The following SPEF2 variants were observed in gnomAD, a reference collection of about 807,000 sequenced individuals.
The protein encoded by SPEF2 is sperm flagellar and cilia associated 2.
In SPEF2, 187 loss-of-function variants were observed where a neutral mutation model predicts 224.6. The observed-to-expected ratio is 0.83, with a 90% CI of 0.74 to 0.94. The LOEUF (loss-of-function observed/expected upper bound fraction) is 0.94. Among genes scored for constraint, SPEF2 ranks in the 40% least tolerant of loss-of-function variants. SPEF2 has a pLI of 0.00. For missense variants in SPEF2, 2,170 were observed against 2,135.6 expected, an observed-to-expected ratio of 1.02 and a Z score of -0.32; for synonymous variants, 715 against 707.3, an observed-to-expected ratio of 1.01 and a Z score of -0.17.
At chr5:35,696,244 C>T (rs1486882723) in intron 14 of SPEF2, among the ~76,000 whole-genome samples, 1 of 152,142 alleles carries the variant, frequency 6.6e-6, no homozygotes, top group Non-Finnish European at 1.5e-5. Flanking sequence ...ACTAATTGGT[C>T]ATCAAATAAA....
At chr5:35,664,798 G>A (rs1750238967) in intron 8 of SPEF2, among the ~76,000 whole-genome samples, 2 of 140,136 alleles carry the variant, frequency 1.4e-5, no homozygotes, top group African/African-American at 5.4e-5. Flanking sequence ...GAGGGAGAGA[G>A]AGGGAGAGGA....
chr5:35,711,281 G>C (rs1016369236), intron 19 of SPEF2, among the ~76,000 whole-genome samples: 9 of 151,734 alleles, frequency 5.9e-5, no homozygotes, highest in African/African-American at 2.2e-4. Flanking sequence ...TTGTTATTTT[G>C]TTAAAAAATT....
intron 7 of SPEF2, among the ~76,000 whole-genome samples, chr5:35,655,666 G>T (rs775602639): frequency 2.0e-5 from 3 of 152,232 alleles, no homozygotes; most frequent in Non-Finnish European, 4.4e-5. Flanking sequence ...TCCAGGAAAG[G>T]TGGTGGAAGG....
intron 24 of SPEF2, among the ~76,000 whole-genome samples, chr5:35,755,313 A>G (rs1196999806): frequency 2.0e-5 from 3 of 152,256 alleles, no homozygotes; most frequent in Non-Finnish European, 4.4e-5. Flanking sequence ...AAAATCAAGT[A>G]TTATAAACAG....
At chr5:35,747,239 A>G (rs532682043) in intron 23 of SPEF2, among the ~76,000 whole-genome samples, 2 of 152,332 alleles carry the variant, frequency 1.3e-5, no homozygotes, top group South Asian at 2.1e-4. Context: ...CACAGGACCT[A>G]TTAAACAAAA....
intron 2 of SPEF2, among the ~76,000 whole-genome samples, chr5:35,640,242 C>A (rs1185922302): frequency 6.6e-6 from 1 of 152,082 alleles, no homozygotes; most frequent in Non-Finnish European, 1.5e-5. Context: ...AATTAACATG[C>A]CCCTAAAATC....
chr5:35,798,175 C>T (rs1756940764), intron 33 of SPEF2, among the ~76,000 whole-genome samples: 1 of 152,172 alleles, frequency 6.6e-6, no homozygotes, highest in Non-Finnish European at 1.5e-5. Flanking sequence ...TTTGTCTTCA[C>T]CCAGCTTGCA....
intron 25 of SPEF2, among the ~76,000 whole-genome samples, chr5:35,761,720 T>C (rs1483644292): frequency 6.6e-6 from 1 of 152,110 alleles, no homozygotes. Flanking sequence ...TATAAACCAC[T>C]AGAACCATCA....
intron 6 of SPEF2, among the ~76,000 whole-genome samples, chr5:35,650,012 A>C (rs549005715): frequency 3.3e-4 from 50 of 152,342 alleles, no homozygotes; most frequent in Middle Eastern, 3.4e-3. Context: ...TGTAGGAACA[A>C]CTTGGGTTTT....
At chr5:35,760,588 CA>C (rs751115200) in intron 25 of SPEF2, among the ~76,000 whole-genome samples, 1 of 151,800 alleles carries the variant, frequency 6.6e-6, no homozygotes, top group East Asian at 1.9e-4. Context: ...TTTCTGCCAG[CA>C]AAAAAATAAA....
At position 35,706,950 on chromosome 5, in the gene SPEF2, C is replaced by T. The variant is rs151297140; in HGVS notation, c.2665+1142C>T. 2.6e-3 allele frequency among the ~76,000 whole-genome samples: 391 copies of T among 152,276 alleles called. 3 individuals are homozygous for T. The highest frequency in any genetic ancestry group is 3.3e-3 in the Non-Finnish European group (226 of 67,996). On this transcript the variant is annotated intron_variant, in intron 18 of 36. Transcript: ENST00000356031. ...TCTAACTCATGAAGGCTTGAAGCTA[C>T]GGGTTAGAATCAGTTTGTTTTTGCC...
intron 2 of SPEF2, among the ~76,000 whole-genome samples, chr5:35,636,967 C>T (rs1304080448): frequency 2.1e-5 from 3 of 144,688 alleles, no homozygotes; most frequent in African/African-American, 7.7e-5. Flanking sequence ...CAGAGTGAGA[C>T]TCTGTCTCAA....
At chr5:35,710,963 C>T in intron 19 of SPEF2, 1 of 826,020 alleles carries the variant, frequency 1.2e-6, no homozygotes, top group Non-Finnish European at 1.5e-6. Flanking sequence ...CCCAACCTTA[C>T]TGTGATGGAC....
intron 23 of SPEF2, among the ~76,000 whole-genome samples, chr5:35,753,153 A>G (rs1749923724): frequency 1.3e-5 from 2 of 152,012 alleles, no homozygotes; most frequent in Admixed American, 1.3e-4. Flanking sequence ...AGATCACCCC[A>G]TTAAACTCAG....
chr5:35,737,017 T>C lies in SPEF2; in HGVS notation c.3064-2902T>C, dbSNP rs113099861. ...CACCTCTTGGTAGCCATTGCTTTGATTGTGCTTTGTCTTCAGGATCATACT... is the reference window on the plus strand; with the variant it reads ...CACCTCTTGGTAGCCATTGCTTTGACTGTGCTTTGTCTTCAGGATCATACT... On this transcript the variant is annotated intron_variant, in intron 21 of 36. Transcript: ENST00000356031. Among the ~76,000 whole-genome samples, 305 of 152,336 alleles carry C rather than the reference T, an allele frequency of 2.0e-3. 2 individuals carry two copies. The highest frequency in any genetic ancestry group is 7.2e-3 in the African/African-American group (298 of 41,592).
At chr5:35,658,095 A>C (rs573138931) in intron 7 of SPEF2, among the ~76,000 whole-genome samples, 72 of 152,318 alleles carry the variant, frequency 4.7e-4, no homozygotes, top group African/African-American at 1.5e-3. Context: ...TCTGTTTCGA[A>C]AGAGTGAGAG....
chr5:35,751,062 T>TAC (rs1195136055), intron 23 of SPEF2, among the ~76,000 whole-genome samples: 8 of 28,132 alleles, frequency 2.8e-4, no homozygotes, highest in Admixed American at 4.6e-4. Context: ...TATACGTATA[T>TAC]ATATGTATAT....
chr5:35,785,494 A>T (rs904060490), intron 30 of SPEF2, among the ~76,000 whole-genome samples: 28 of 151,846 alleles, frequency 1.8e-4, no homozygotes, highest in African/African-American at 6.0e-4. Flanking sequence ...TGGAAATTAA[A>T]TTTTTTTAAT....
intron 36 of SPEF2, among the ~76,000 whole-genome samples, chr5:35,810,592 G>T (rs532208354): frequency 1.2e-4 from 19 of 152,268 alleles, no homozygotes; most frequent in Admixed American, 1.2e-3. Flanking sequence ...CCTCTTTGAG[G>T]ATAACTGTCC....
Sources: allele counts gnomAD v4.1 joint callset (sites outside exome capture counted in the v4.1 genomes callset), GRCh38; gene constraint gnomAD v4.1.1; transcripts MANE v1.5; gene names NCBI Gene and HGNC (gene_info 2026-07-23, HGNC 2026-07-21).